SMARCA4: variants seen among roughly 807,000 people sequenced by gnomAD.
SMARCA4 encodes the protein SWI/SNF related BAF chromatin remodeling complex subunit ATPase 4, also known as SWI/SNF-related matrix-associated actin-dependent regulator of chromatin subfamily A member 4.
Under a neutral mutation model 193.9 loss-of-function variants are expected in SMARCA4, and 31 were observed. That is an observed-to-expected ratio of 0.16 (90% CI 0.12 to 0.22). The LOEUF (loss-of-function observed/expected upper bound fraction) is 0.22. Ranked by LOEUF, SMARCA4 falls within the 10% of genes least tolerant of loss-of-function variation. SMARCA4 has a pLI of 1.00. For missense variants in SMARCA4, 1,148 were observed against 2,296.0 expected (o/e 0.50, Z 10.22); for synonymous variants, 942 against 933.1 (o/e 1.01, Z -0.17).
In SMARCA4 at chr19:11,041,278, G is replaced by C. The variant is rs200002796; in HGVS notation, c.4171-29G>C. 2.3e-3 allele frequency: 3,608 copies of C among 1,585,806 alleles called. 6 individuals are homozygous for C. Among genetic ancestry groups the C allele is most frequent in the Non-Finnish European group, 2.7e-3 (3,125 of 1,163,892 alleles). ...CTGCTTGTCGACCTGGGTGCTGGCT[G>C]TCCTATTTTACTACTATTGACCCTG... is the stretch of plus-strand genomic sequence containing the variant. On this transcript the variant is annotated intron_variant, in intron 29 of 34. Transcript: ENST00000344626. The surrounding 1 kb of genome is among the most constrained non-coding windows in gnomAD (Gnocchi z 5.6).
chr19:11,007,412 A>G (rs540011232), intron 13 of SMARCA4, among the ~76,000 whole-genome samples: 198 of 148,250 alleles, frequency 1.3e-3, no homozygotes, highest in African/African-American at 4.5e-3. Context: ...CTTGGGCAAC[A>G]GAGTGACACT....
intron 1 of SMARCA4, among the ~76,000 whole-genome samples, chr19:10,963,334 C>T (rs912677430): frequency 1.4e-5 from 2 of 144,150 alleles, no homozygotes; most frequent in Non-Finnish European, 3.0e-5. Flanking sequence ...TCTTGTGCCC[C>T]TGCATTCCAG....
chr19:11,012,463 T>G (rs1224230529), intron 15 of SMARCA4: 1 of 193,682 alleles, frequency 5.2e-6, no homozygotes, highest in African/African-American at 2.3e-5. Context: ...ATCTTCAGTT[T>G]GCAAATAGTC....
rs143314365 is a variant in SMARCA4 at position 11,053,830 on chromosome 19, G to T, written c.4425-4425G>T. On this transcript the variant is annotated intron_variant, in intron 30 of 34. Coordinates refer to ENST00000344626, the MANE Select transcript of SMARCA4 (RefSeq NM_003072.5). The stretch of plus-strand genomic sequence containing the variant: ...GGAGGCTGAAGCAGTAGGATCTCAT[G>T]AGCCCAGGAGTTGGAGGCTTCAGTG... Among the ~76,000 whole-genome samples, 145 of 152,240 alleles carry T rather than the reference G, an allele frequency of 9.5e-4. 1 individual carries two copies. The highest frequency in any genetic ancestry group is 3.3e-3 in the African/African-American group (138 of 41,554).
In SMARCA4 at chr19:11,058,186, T is replaced by C; in HGVS notation, c.4425-69T>C. 1.1e-6 allele frequency: 1 copy of C among 926,882 alleles called. No individual in the cohort carries two copies. The highest frequency in any genetic ancestry group is 1.7e-6 in the Non-Finnish European group (1 of 575,894). 57.4% of individuals were successfully genotyped at this position (926,882 alleles called of 1,614,324 possible). On this transcript the variant is annotated intron_variant, in intron 30 of 34. Transcript: ENST00000344626. This position sits in a 1 kb window ranked among gnomAD's most constrained non-coding sequence, Gnocchi z 5.8. Reference sequence around the variant, plus strand: ...CTCATCCTTAAACAATGTGGGAACCTGCTGAGGTGGGGTGGGGGCTCCCGG... The same window carrying C: ...CTCATCCTTAAACAATGTGGGAACCCGCTGAGGTGGGGTGGGGGCTCCCGG...
rs139108245 is a variant in SMARCA4, at chr19:10,986,708, C to T, written c.760+115C>T. 83 of 1,444,096 alleles carry T rather than the reference C, an allele frequency of 5.7e-5. 1 individual carries two copies. The highest frequency in any genetic ancestry group is 2.3e-4 in the Middle Eastern group (1 of 4,258). 89.5% of individuals were successfully genotyped at this position (1,444,096 alleles called of 1,614,324 possible). A position where few individuals can be genotyped will look rare whatever the true frequency, so the allele number is the denominator to read the frequency against. ...CTGGGTTCCCCGGTTTGGGATTGCACGGGCCCATACTGCACTTCTGGGTGC... is the reference window on the plus strand; with the variant it reads ...CTGGGTTCCCCGGTTTGGGATTGCATGGGCCCATACTGCACTTCTGGGTGC... On this transcript the variant is annotated intron_variant, in intron 4 of 34. Transcript: ENST00000344626. This position sits in a 1 kb window ranked among gnomAD's most constrained non-coding sequence, Gnocchi z 6.7.
At position 11,031,154 on chromosome 19, in the gene SMARCA4, A is replaced by C; in HGVS notation, c.3546+261A>C. ...CATCCGTCGGTTTGGTTTTTCTTAAATCTTGGAATGGCACCCATGAGGAGG... is the reference window on the plus strand; with the variant it reads ...CATCCGTCGGTTTGGTTTTTCTTAACTCTTGGAATGGCACCCATGAGGAGG... On this transcript the variant is annotated intron_variant, in intron 25 of 34. Coordinates refer to ENST00000344626, the MANE Select transcript of SMARCA4 (RefSeq NM_003072.5). This position sits in a 1 kb window ranked among gnomAD's most constrained non-coding sequence, Gnocchi z 4.3. 2.0e-6 allele frequency: 1 copy of C among 496,774 alleles called. No homozygotes were observed. The highest frequency in any genetic ancestry group is 3.7e-5 in the East Asian group (1 of 27,064). The allele number at this position is 496,774 out of a possible 1,614,324, so 30.8% of individuals were successfully genotyped here. A position where few individuals can be genotyped will look rare whatever the true frequency, so the allele number is the denominator to read the frequency against.
intron 1 of SMARCA4, among the ~76,000 whole-genome samples, chr19:10,963,636 G>GT (rs2083987364): frequency 2.0e-5 from 3 of 152,148 alleles, no homozygotes; most frequent in African/African-American, 7.2e-5. Flanking sequence ...GCGCTTAGCA[G>GT]TAGGGCCCCC....
Position 10,985,367 on chromosome 19 carries a change from TG to T in SMARCA4, c.321del (p.Pro109ArgfsTer194). The T allele has an allele frequency of 6.2e-7, 1 of 1,613,948 alleles. No homozygotes were observed. Among genetic ancestry groups the T allele is most frequent in the Non-Finnish European group, 8.5e-7 (1 of 1,179,970 alleles). Reference sequence around the variant, plus strand: ...ATGCGGTCAGGGGGCCATGCTGGGATGGGGCCCCCGCCCAGCCCCATGGACC... The same window carrying T: ...ATGCGGTCAGGGGGCCATGCTGGGATGGGCCCCCGCCCAGCCCCATGGACC... ...MGMRSGGHAGMGPPPSPMDQH... is the reference protein window; with the variant it reads ...MGMRSGGHAGXGPPPSPMDQH... On this transcript the variant is annotated frameshift_variant, in exon 3 of 35. Coordinates refer to ENST00000344626, the MANE Select transcript of SMARCA4 (RefSeq NM_003072.5). LOFTEE classifies it high-confidence loss of function. This position sits in a 1 kb window ranked among gnomAD's most constrained non-coding sequence, Gnocchi z 4.5.
chr19:10,974,189 G>T (rs1171142454), intron 1 of SMARCA4, among the ~76,000 whole-genome samples: 1 of 152,154 alleles, frequency 6.6e-6, no homozygotes, highest in Non-Finnish European at 1.5e-5. Context: ...AACCTGCCCT[G>T]CCTGGGGCTG....
At chr19:11,002,751 G>T (rs2087761316) in intron 11 of SMARCA4, among the ~76,000 whole-genome samples, 1 of 131,676 alleles carries the variant, frequency 7.6e-6, no homozygotes, top group Non-Finnish European at 1.5e-5. Context: ...CGAGAGCCGA[G>T]ATCACGCCAC....
In SMARCA4 at chr19:11,060,028, C is replaced by G. The variant is rs1182668376; in HGVS notation, c.4769-17C>G. 6.3e-7 allele frequency: 1 copy of G among 1,581,508 alleles called. No homozygotes were observed. Among genetic ancestry groups the G allele is most frequent in the African/African-American group, 1.4e-5 (1 of 74,046 alleles). On this transcript the variant is annotated splice_polypyrimidine_tract_variant and intron_variant, in intron 33 of 34. Transcript: ENST00000344626. ...TCCCAGAGCTCAAGGCTGTCTTTCCCTCCCGGTCCCCTCCAGCTCGGTCCG... is the reference window on the plus strand; with the variant it reads ...TCCCAGAGCTCAAGGCTGTCTTTCCGTCCCGGTCCCCTCCAGCTCGGTCCG...
At chr19:10,991,374 G>C (rs923575080) in intron 8 of SMARCA4, 51 bp downstream of exon 8, 1 of 1,553,168 alleles carries the variant, frequency 6.4e-7, no homozygotes, top group Non-Finnish European at 8.7e-7. Flanking sequence ...TGGCTGCCTG[G>C]CTTGTCCAGC....
intron 24 of SMARCA4, 124 bp downstream of exon 24, chr19:11,028,074 A>G: frequency 9.7e-7 from 1 of 1,033,876 alleles, no homozygotes; most frequent in African/African-American, 1.6e-5. Flanking sequence ...TCCAGTGGCC[A>G]GAGTGGGCCT....
In SMARCA4 at chr19:11,056,881, ATGT is replaced by A. The variant is rs1346569140; in HGVS notation, c.4425-1370_4425-1368del. On this transcript the variant is annotated intron_variant, in intron 30 of 34. Coordinates refer to ENST00000344626, the MANE Select transcript of SMARCA4 (RefSeq NM_003072.5). ...CAGCAACAGAACCAGGGAAGCCACCATGTTGTCGCTGCCATTTTCCAGCGTGGT... is the reference window on the plus strand; with the variant it reads ...CAGCAACAGAACCAGGGAAGCCACCATGTCGCTGCCATTTTCCAGCGTGGT... 3.9e-5 allele frequency among the ~76,000 whole-genome samples: 6 copies of A among 152,312 alleles called. No homozygotes were observed. The East Asian group carries it at 1.2e-3, about 29-fold the overall frequency.
intron 13 of SMARCA4, among the ~76,000 whole-genome samples, chr19:11,006,806 C>T (rs928238846): frequency 2.0e-5 from 3 of 152,002 alleles, no homozygotes; most frequent in Admixed American, 2.0e-4. Context: ...AGCGTCGGGG[C>T]CGGGTGCAGT....
At chr19:10,965,970 GTTTTTTTTTTTTT>G (rs372236923) in intron 1 of SMARCA4, among the ~76,000 whole-genome samples, 7 of 78,982 alleles carry the variant, frequency 8.9e-5, no homozygotes, top group South Asian at 5.7e-4. Context: ...TAGTGGCATG[GTTTTTTTTTTTTT>G]TTTTTTTTTT....
At chr19:11,036,280 G>A (rs780729941) in intron 29 of SMARCA4, among the ~76,000 whole-genome samples, 16 of 152,168 alleles carry the variant, frequency 1.1e-4, no homozygotes, top group Non-Finnish European at 2.1e-4. Flanking sequence ...GAGTGTCACC[G>A]GCCCTGCATT....
intron 30 of SMARCA4, among the ~76,000 whole-genome samples, chr19:11,045,701 T>TATAC (rs1555789787): frequency 6.6e-6 from 1 of 152,170 alleles, no homozygotes; most frequent in Non-Finnish European, 1.5e-5. Flanking sequence ...TTTAGTTGTA[T>TATAC]ATCATCTGAC....
Sources: gnomAD v4.1 joint callset for allele counts (sites outside exome capture counted in the v4.1 genomes callset) on GRCh38, gnomAD v4.1.1 for gene constraint, Gnocchi (gnomAD v3.1) non-coding constraint, MANE v1.5 for transcripts, NCBI Gene and HGNC (gene_info 2026-07-23, HGNC 2026-07-21) for gene names.